Variants in CDH2 observed in about 807,000 individuals in gnomAD.
CDH2 encodes cadherin-2.
CDH2 carries 17 observed loss-of-function variants against 92.0 expected under a neutral mutation model. The observed-to-expected ratio is 0.18, with a 90% CI of 0.13 to 0.28. The LOEUF (loss-of-function observed/expected upper bound fraction) is 0.28, where lower values mean the gene tolerates loss of function less well. CDH2 is among the 10% of genes least tolerant of loss of function. CDH2 has a pLI of 1.00. For synonymous variants in CDH2, 419 were observed against 415.9 expected (o/e 1.01, Z -0.09); for missense variants, 862 against 1,133.1 (o/e 0.76, Z 3.44).
At chr18:28,101,852 A>G (rs923478658) in intron 2 of CDH2, among the ~76,000 whole-genome samples, 1 of 152,078 alleles carries the variant, frequency 6.6e-6, no homozygotes, top group Non-Finnish European at 1.5e-5. Flanking sequence ...TCACCCTACA[A>G]ACACACCCCA....
intron 4 of CDH2, among the ~76,000 whole-genome samples, chr18:28,010,286 T>C (rs1207229107): frequency 1.3e-5 from 2 of 152,192 alleles, no homozygotes; most frequent in African/African-American, 2.4e-5. Context: ...TGTCTATCCA[T>C]AGTGTGAAAT....
In CDH2 at chr18:28,141,840, G is replaced by A. The variant is rs11874385; in HGVS notation, c.172+5833C>T. Among the ~76,000 whole-genome samples, 1,088 of 152,076 alleles carry A rather than the reference G, an allele frequency of 7.2e-3. 11 individuals are homozygous for A. Among genetic ancestry groups the A allele is most frequent in the African/African-American group, 0.025 (1,021 of 41,520 alleles). The stretch of plus-strand genomic sequence containing the variant: ...GACACACTTCTGCCTCAGGACTCTT[G>A]CATTTGCTGTTAGCTCTCTTTGTAA... On this transcript the variant is annotated intron_variant, in intron 2 of 15. Transcript: ENST00000269141.
rs1555635476 is a variant in CDH2 at position 28,038,461 on chromosome 18, GTC to G, written c.173-24554_173-24553del. ...TGTGTGTGTGTGTGTGTGTGTGTGT[GTC>G]TATGTGTGTGTATGAAATGTGCCTG... is the stretch of plus-strand genomic sequence containing the variant. On this transcript the variant is annotated intron_variant, in intron 2 of 15. Transcript: ENST00000269141. Among the ~76,000 whole-genome samples, 7 of 145,326 alleles carry G rather than the reference GTC, an allele frequency of 4.8e-5. No individual in the cohort carries two copies. In the South Asian group the frequency reaches 8.8e-4, roughly 18 times the overall value.
chr18:27,974,680 C>T (rs1372393294), intron 14 of CDH2, among the ~76,000 whole-genome samples: 7 of 152,070 alleles, frequency 4.6e-5, no homozygotes, highest in Admixed American at 2.0e-4. Context: ...GGGGCCTTTA[C>T]GAAGTGATTA....
intron 2 of CDH2, among the ~76,000 whole-genome samples, chr18:28,093,186 A>G (rs375861664): frequency 2.0e-5 from 3 of 152,336 alleles, no homozygotes; most frequent in African/African-American, 7.2e-5. Flanking sequence ...TCCAAGAAAA[A>G]AATCATATAT....
chr18:28,007,591 C>T (rs2012976609), intron 5 of CDH2, among the ~76,000 whole-genome samples: 1 of 152,038 alleles, frequency 6.6e-6, no homozygotes, highest in Admixed American at 6.5e-5. Context: ...TTTCCCTTGG[C>T]TTATTTAATA....
chr18:28,161,912 A>C (rs1419399663), intron 1 of CDH2, among the ~76,000 whole-genome samples: 1 of 152,146 alleles, frequency 6.6e-6, no homozygotes, highest in Non-Finnish European at 1.5e-5. Flanking sequence ...CACGCCACCT[A>C]TGTCATGCAA....
intron 15 of CDH2, among the ~76,000 whole-genome samples, chr18:27,961,559 C>CA (rs2011404547): frequency 6.6e-6 from 1 of 152,002 alleles, no homozygotes; most frequent in African/African-American, 2.4e-5. Context: ...TGAGGAACTG[C>CA]AAATAGTTCA....
chr18:27,996,340 C>T (rs375361319), intron 7 of CDH2, among the ~76,000 whole-genome samples: 16 of 152,122 alleles, frequency 1.1e-4, no homozygotes, highest in African/African-American at 1.9e-4. Context: ...AACTCAGTAC[C>T]GACATCTAAT....
At chr18:28,093,436 A>T (rs2015071857) in intron 2 of CDH2, among the ~76,000 whole-genome samples, 2 of 152,270 alleles carry the variant, frequency 1.3e-5, no homozygotes, top group Admixed American at 1.3e-4. Flanking sequence ...AATTCTGGGA[A>T]TCAATAATAT....
chr18:27,988,208 T>A (rs773965951), intron 11 of CDH2, among the ~76,000 whole-genome samples: 1 of 151,954 alleles, frequency 6.6e-6, no homozygotes, highest in Non-Finnish European at 1.5e-5. Flanking sequence ...CTAGAAGACA[T>A]ATAAAAAGAG....
At chr18:28,100,231 GC>G (rs2015205550) in intron 2 of CDH2, among the ~76,000 whole-genome samples, 1 of 152,194 alleles carries the variant, frequency 6.6e-6, no homozygotes, top group African/African-American at 2.4e-5. Context: ...AAAACAGATT[GC>G]TCTCTTTAAT....
intron 1 of CDH2, chr18:28,168,550 G>A (rs1322082144): frequency 3.9e-6 from 1 of 259,740 alleles, no homozygotes. Context: ...TAGGCTTTCA[G>A]AAAGTATTTT....
chr18:28,118,063 T>C (rs2015525071), intron 2 of CDH2, among the ~76,000 whole-genome samples: 1 of 151,868 alleles, frequency 6.6e-6, no homozygotes, highest in South Asian at 2.1e-4. Context: ...CCATCAAGTT[T>C]AGGGCAACAC....
intron 1 of CDH2, among the ~76,000 whole-genome samples, chr18:28,169,319 C>A (rs1393586497): frequency 6.6e-6 from 1 of 152,070 alleles, no homozygotes; most frequent in Non-Finnish European, 1.5e-5. Flanking sequence ...TCCTTACAAC[C>A]TTTAACGAAA....
intron 2 of CDH2, among the ~76,000 whole-genome samples, chr18:28,129,222 C>T (rs576549554): frequency 6.6e-6 from 1 of 152,302 alleles, no homozygotes; most frequent in South Asian, 2.1e-4. Flanking sequence ...TGATGCATTG[C>T]TAATGCTAAA....
At chr18:28,017,690 A>C (rs1433570571) in intron 2 of CDH2, among the ~76,000 whole-genome samples, 1 of 152,000 alleles carries the variant, frequency 6.6e-6, no homozygotes, top group African/African-American at 2.4e-5. Context: ...TAGTTCCTTA[A>C]GGTGTGACCT....
In CDH2 at chr18:28,094,621, T is replaced by C. The variant is rs563004696; in HGVS notation, c.172+53052A>G. Among the ~76,000 whole-genome samples the C allele has an allele frequency of 3.1e-3, 467 of 151,844 alleles. 1 individual carries two copies. Among genetic ancestry groups the C allele is most frequent in the Non-Finnish European group, 5.1e-3 (348 of 67,908 alleles). On this transcript the variant is annotated intron_variant, in intron 2 of 15. Transcript: ENST00000269141. Reference sequence around the variant, plus strand: ...CATCCTGGCTAACATGGTGAAACCCTGTCTCTACTAAAAACACAAAAAATT... The same window carrying C: ...CATCCTGGCTAACATGGTGAAACCCCGTCTCTACTAAAAACACAAAAAATT...
chr18:28,149,876 A>G (rs1305611411), intron 1 of CDH2, among the ~76,000 whole-genome samples: 1 of 152,250 alleles, frequency 6.6e-6, no homozygotes, highest in African/African-American at 2.4e-5. Flanking sequence ...TCTGCTCTAC[A>G]TATTTCATAA....
Sources: gnomAD v4.1 joint callset for allele counts (sites outside exome capture counted in the v4.1 genomes callset) on GRCh38, gnomAD v4.1.1 for gene constraint, MANE v1.5 for transcripts, NCBI Gene and HGNC (gene_info 2026-07-23, HGNC 2026-07-21) for gene names.